AP1M1: variants seen among roughly 807,000 people sequenced by gnomAD.
AP1M1 encodes adaptor related protein complex 1 subunit mu 1, also known as AP-1 complex subunit mu-1.
Under a neutral mutation model 57.1 loss-of-function variants are expected in AP1M1, and 18 were observed. The observed-to-expected ratio is 0.32, with a 90% CI of 0.22 to 0.47. The LOEUF is 0.47. Ranked by LOEUF, AP1M1 falls within the 20% of genes least tolerant of loss-of-function variation. The pLI, the probability that AP1M1 is intolerant of heterozygous loss-of-function variation, is 1.00. For synonymous variants in AP1M1, 241 were observed against 237.9 expected (o/e 1.01, Z -0.12); for missense variants, 362 against 593.5 (o/e 0.61, Z 4.05).
intron 4 of AP1M1, chr19:16,208,706 G>T: frequency 4.0e-6 from 1 of 246,934 alleles, no homozygotes; most frequent in Non-Finnish European, 7.9e-6. Flanking sequence ...TTCCATCCAC[G>T]TGCTCAGCAG....
intron 5 of AP1M1, among the ~76,000 whole-genome samples, chr19:16,225,079 G>A (rs1472534188): frequency 6.6e-6 from 1 of 152,176 alleles, no homozygotes; most frequent in Non-Finnish European, 1.5e-5. Context: ...GGCTGGGGAA[G>A]GTGACAGAAC....
intron 4 of AP1M1, 89 bp from the exon 5 acceptor site, chr19:16,208,941 C>T: frequency 1.3e-6 from 2 of 1,504,446 alleles, no homozygotes; most frequent in Non-Finnish European, 8.9e-7. Flanking sequence ...CCCTGTACCC[C>T]CCACCCAACC....
At chr19:16,208,286 GT>G in intron 4 of AP1M1, 137 bp downstream of exon 4, 1 of 991,272 alleles carries the variant, frequency 1.0e-6, no homozygotes, top group Non-Finnish European at 1.4e-6. Flanking sequence ...CAGTATTCGG[GT>G]TTTTACTAAG....
At chr19:16,217,200 C>T (rs889333510) in intron 5 of AP1M1, among the ~76,000 whole-genome samples, 6 of 152,014 alleles carry the variant, frequency 3.9e-5, no homozygotes, top group African/African-American at 1.4e-4. Flanking sequence ...TTTTCTCTGC[C>T]TAGTTTCCTG....
chr19:16,214,916 T>C (rs1044749113), intron 5 of AP1M1, among the ~76,000 whole-genome samples: 3 of 151,424 alleles, frequency 2.0e-5, no homozygotes, highest in Admixed American at 6.6e-5. Context: ...ACCCGGCTAA[T>C]GTATATGTTT....
chr19:16,206,926 G>A lies in AP1M1; in HGVS notation c.267+518G>A, dbSNP rs151044160. 3.9e-5 allele frequency among the ~76,000 whole-genome samples: 6 copies of A among 152,334 alleles called. No individual in the cohort carries two copies. Among genetic ancestry groups the A allele is most frequent in the Non-Finnish European group, 7.3e-5 (5 of 68,032 alleles). On this transcript the variant is annotated intron_variant, in intron 3 of 11. Transcript: ENST00000291439. The surrounding 1 kb of genome is among the most constrained non-coding windows in gnomAD (Gnocchi z 4.3). ...GGTGCAGCTAGGGAGGCCAGCGTGC[G>A]TGTGGCAGAGTATGAGGCTGAGGTC...
At position 16,239,248 on chromosome 19, in the gene AP1M1, T is replaced by C. The variant is rs2091636775; in HGVS notation, c.*4813T>C. The C allele has an allele frequency of 1.5e-5, 1 of 67,158 alleles. No individual in the cohort carries two copies. The highest frequency in any genetic ancestry group is 2.3e-5 in the Non-Finnish European group (1 of 42,784). 4.2% of individuals were successfully genotyped at this position (67,158 alleles called of 1,614,324 possible). A position where few individuals can be genotyped will look rare whatever the true frequency, so the allele number is the denominator to read the frequency against. ...GCGCCCGGCCAGTTCTCTTTTTTTT[T>C]TTTTTTTTTTTTTTTTTTTTTTTTT... On this transcript the variant is annotated 3_prime_UTR_variant, in exon 12 of 12. Transcript: ENST00000291439.
In AP1M1 at chr19:16,244,323, C is replaced by T. The variant is rs1206378915; in HGVS notation, c.*9888C>T. The T allele has an allele frequency of 3.9e-5, 6 of 152,174 alleles. No homozygotes were observed. Among genetic ancestry groups the T allele is most frequent in the Non-Finnish European group, 8.8e-5 (6 of 68,040 alleles). The allele number at this position is 152,174 out of a possible 1,614,324, so 9.4% of individuals were successfully genotyped here. A position where few individuals can be genotyped will look rare whatever the true frequency, so the allele number is the denominator to read the frequency against. ...AAAGAGTTTGCCAGCAGCAGGCTAA[C>T]ACTAAAGAAAATTGTAAACAGTGTA... is the stretch of plus-strand genomic sequence containing the variant. On this transcript the variant is annotated 3_prime_UTR_variant, in exon 12 of 12. Coordinates refer to ENST00000291439, the MANE Select transcript of AP1M1 (RefSeq NM_032493.4).
At chr19:16,222,029 G>A (rs1436495347) in intron 5 of AP1M1, among the ~76,000 whole-genome samples, 1 of 151,970 alleles carries the variant, frequency 6.6e-6, no homozygotes, top group Non-Finnish European at 1.5e-5. Flanking sequence ...CAGGACTCCA[G>A]TGACATGAAA....
At position 16,238,101 on chromosome 19, in the gene AP1M1, A is replaced by T. The variant is rs975509544; in HGVS notation, c.*3666A>T. The T allele has an allele frequency of 6.6e-6, 1 of 152,300 alleles. No individual in the cohort carries two copies. Among genetic ancestry groups the T allele is most frequent in the Non-Finnish European group, 1.5e-5 (1 of 68,124 alleles). The allele number at this position is 152,300 out of a possible 1,614,324, so 9.4% of individuals were successfully genotyped here. A position where few individuals can be genotyped will look rare whatever the true frequency, so the allele number is the denominator to read the frequency against. ...GCCATCATCCTGCCTTGGCCTCCCA[A>T]AGTGCTGGGATTACAGGCGTGAGCC... On this transcript the variant is annotated 3_prime_UTR_variant, in exon 12 of 12. Transcript: ENST00000291439.
chr19:16,209,479 C>T (rs750469693), intron 5 of AP1M1, among the ~76,000 whole-genome samples: 5 of 152,168 alleles, frequency 3.3e-5, no homozygotes, highest in Non-Finnish European at 7.4e-5. Flanking sequence ...TATAGGCACC[C>T]GCCACCACGC....
chr19:16,205,344 G>A (rs2091465060), intron 2 of AP1M1, among the ~76,000 whole-genome samples: 1 of 152,180 alleles, frequency 6.6e-6, no homozygotes, highest in Admixed American at 6.5e-5. Context: ...CCGGGACAGT[G>A]CTCAGCAAGG....
In AP1M1 at chr19:16,197,969, C is replaced by A; in HGVS notation, c.-58C>A. ...GGCCTTGCTCAACGCCCAGCAGTCC[C>A]CACCGTCGCTGCCGCCGCCACCGCC... On this transcript the variant is annotated 5_prime_UTR_variant, in exon 1 of 12. Coordinates refer to ENST00000291439, the MANE Select transcript of AP1M1 (RefSeq NM_032493.4). 1.3e-6 allele frequency: 2 copies of A among 1,494,512 alleles called. No homozygotes were observed. The highest frequency in any genetic ancestry group is 1.2e-5 in the South Asian group (1 of 81,134). The allele number at this position is 1,494,512 out of a possible 1,614,324, so 92.6% of individuals were successfully genotyped here.
chr19:16,200,786 TC>T (rs1259283596), intron 1 of AP1M1, among the ~76,000 whole-genome samples: 2 of 152,202 alleles, frequency 1.3e-5, no homozygotes, highest in Non-Finnish European at 2.9e-5. Flanking sequence ...AGTGCTCCCT[TC>T]CGCTTCCAGG....
In AP1M1 at chr19:16,218,209, G is replaced by A. The variant is rs567906817; in HGVS notation, c.547-8212G>A. ...CATAGGGAGCAGTGCCTCTGCTGCCGTGCACATGGCTGCTTTAGTAAAAGT... is the reference window on the plus strand; with the variant it reads ...CATAGGGAGCAGTGCCTCTGCTGCCATGCACATGGCTGCTTTAGTAAAAGT... On this transcript the variant is annotated intron_variant, in intron 5 of 11. Coordinates refer to ENST00000291439, the MANE Select transcript of AP1M1 (RefSeq NM_032493.4). Among the ~76,000 whole-genome samples, 29 of 152,334 alleles carry A rather than the reference G, an allele frequency of 1.9e-4. 1 individual carries two copies. The South Asian group carries it at 3.1e-3, about 16-fold the overall frequency.
rs773128737 is a variant in AP1M1, at chr19:16,233,479, C to G, written c.1048-14C>G. Reference sequence around the variant, plus strand: ...AGGGCCTAGGCCTGAGCGCCTCCCCCGTCTGCTCCCCAGGGCGGCAAGGAG... The same window carrying G: ...AGGGCCTAGGCCTGAGCGCCTCCCCGGTCTGCTCCCCAGGGCGGCAAGGAG... On this transcript the variant is annotated splice_polypyrimidine_tract_variant and intron_variant, in intron 9 of 11. Transcript: ENST00000291439. The G allele has an allele frequency of 3.1e-6, 5 of 1,589,402 alleles. No individual in the cohort carries two copies. The highest frequency in any genetic ancestry group is 2.3e-5 in the East Asian group (1 of 44,264).
intron 2 of AP1M1, among the ~76,000 whole-genome samples, chr19:16,205,184 T>A (rs1421313440): frequency 6.6e-6 from 1 of 152,018 alleles, no homozygotes; most frequent in Admixed American, 6.6e-5. Context: ...CGCCCAGGTA[T>A]TGGGAGAGGG....
chr19:16,229,229 G>C (rs574781303), intron 9 of AP1M1, among the ~76,000 whole-genome samples: 1 of 152,264 alleles, frequency 6.6e-6, no homozygotes, highest in South Asian at 2.1e-4. Context: ...ATGTGAGATG[G>C]GGCTCCTGTC....
In AP1M1 at chr19:16,244,881, G is replaced by GTTTTTTTTTTTT. The variant is rs796102744; in HGVS notation, c.*10449_*10450insTTTTTTTTTTTT. On this transcript the variant is annotated 3_prime_UTR_variant, in exon 12 of 12. Transcript: ENST00000291439. Reference sequence around the variant, plus strand: ...ATAAATAACATGGATAAAATTTGTTGTTTGTTGTTGTTGTTGTTGTTGTTG... The same window carrying GTTTTTTTTTTTT: ...ATAAATAACATGGATAAAATTTGTTGTTTTTTTTTTTTTTTGTTGTTGTTGTTGTTGTTGTTG... 2 of 38,362 alleles carry GTTTTTTTTTTTT rather than the reference G, an allele frequency of 5.2e-5. No individual in the cohort carries two copies. Among genetic ancestry groups the GTTTTTTTTTTTT allele is most frequent in the South Asian group, 7.4e-4 (1 of 1,354 alleles). 2.4% of individuals were successfully genotyped at this position (38,362 alleles called of 1,614,324 possible).
Sources: gnomAD v4.1 joint callset for allele counts (sites outside exome capture counted in the v4.1 genomes callset) on GRCh38, gnomAD v4.1.1 for gene constraint, Gnocchi (gnomAD v3.1) non-coding constraint, MANE v1.5 for transcripts, NCBI Gene and HGNC (gene_info 2026-07-23, HGNC 2026-07-21) for gene names.